SIPA1L3: variants seen among roughly 807,000 people sequenced by gnomAD.
The protein encoded by SIPA1L3 is signal induced proliferation associated 1 like 3.
Under a neutral mutation model 150.1 loss-of-function variants are expected in SIPA1L3, and 59 were observed. The ratio of observed to expected loss-of-function variants is 0.39; its 90% confidence interval spans 0.32 to 0.49. The LOEUF is 0.49. SIPA1L3 is among the 20% of genes least tolerant of loss of function. SIPA1L3 has a pLI of 0.86. For missense variants in SIPA1L3, 2,211 were observed against 2,489.5 expected (o/e 0.89, Z 2.38); for synonymous variants, 1,070 against 1,077.6 (o/e 0.99, Z 0.14).
In SIPA1L3 at chr19:38,082,125, CGCGGGGGGCCCGGCACACGGGGGCGCT is replaced by C. The variant is rs1568539081; in HGVS notation, c.563_589del (p.Arg188_Leu196del). On this transcript the variant is annotated inframe_deletion, in exon 3 of 22. Transcript: ENST00000222345. Reference sequence around the variant, plus strand: ...TGTGACGCGGAGGACGCGGGGGAGCCGCGGGGGGCCCGGCACACGGGGGCGCTGCCCCTCTTCCGCGAGTACGGGAGC... The same window carrying C: ...TGTGACGCGGAGGACGCGGGGGAGCCGCCCCTCTTCCGCGAGTACGGGAGC... 2.5e-6 allele frequency: 4 copies of C among 1,606,570 alleles called. No individual in the cohort carries two copies. Among genetic ancestry groups the C allele is most frequent in the African/African-American group, 1.3e-5 (1 of 74,896 alleles).
At chr19:38,050,569 A>G (rs1369525729) in intron 2 of SIPA1L3, among the ~76,000 whole-genome samples, 1 of 152,220 alleles carries the variant, frequency 6.6e-6, no homozygotes, top group African/African-American at 2.4e-5. Flanking sequence ...TAAACTTTCA[A>G]ATGTTGTATC....
Position 38,206,315 on chromosome 19 carries a change from T to A in SIPA1L3, c.*75T>A. ...TGCTGCCTCTCTCCCTCCACTCAGC[T>A]CCCAGCTGCCGGTGTGACCAAGATG... is the stretch of plus-strand genomic sequence containing the variant. On this transcript the variant is annotated 3_prime_UTR_variant, in exon 22 of 22. Transcript: ENST00000222345. 1 of 1,467,470 alleles carries A rather than the reference T, an allele frequency of 6.8e-7. No homozygotes were observed. Among genetic ancestry groups the A allele is most frequent in the Non-Finnish European group, 9.1e-7 (1 of 1,098,302 alleles). The allele number at this position is 1,467,470 out of a possible 1,614,324, so 90.9% of individuals were successfully genotyped here.
chr19:37,980,340 C>T (rs1021765368), intron 1 of SIPA1L3, among the ~76,000 whole-genome samples: 1 of 152,136 alleles, frequency 6.6e-6, no homozygotes, highest in Non-Finnish European at 1.5e-5. Flanking sequence ...TCTTCTCCTT[C>T]CTTCGACAAA....
At chr19:38,181,411 C>T (rs979561184) in intron 15 of SIPA1L3, among the ~76,000 whole-genome samples, 4 of 152,260 alleles carry the variant, frequency 2.6e-5, no homozygotes, top group Admixed American at 6.5e-5. Context: ...GTGGGAGGAT[C>T]GCCTGAGCCC....
intron 9 of SIPA1L3, among the ~76,000 whole-genome samples, chr19:38,130,006 G>T (rs1971269783): frequency 6.6e-6 from 1 of 152,128 alleles, no homozygotes; most frequent in African/African-American, 2.4e-5. Flanking sequence ...AGCAGACGTT[G>T]CAGTGAGCTG....
chr19:37,959,107 A>G (rs1050326510), intron 1 of SIPA1L3, among the ~76,000 whole-genome samples: 5 of 152,238 alleles, frequency 3.3e-5, no homozygotes, highest in African/African-American at 1.2e-4. Flanking sequence ...CCATTTTGGA[A>G]AACAATTTGG....
At chr19:37,912,669 A>C (rs1188453046) in intron 1 of SIPA1L3, among the ~76,000 whole-genome samples, 1 of 151,942 alleles carries the variant, frequency 6.6e-6, no homozygotes. Context: ...CTAATTTTTA[A>C]ATTTTTGTAG....
chr19:38,068,200 T>A (rs1388346540), intron 2 of SIPA1L3, among the ~76,000 whole-genome samples: 4 of 151,950 alleles, frequency 2.6e-5, no homozygotes, highest in African/African-American at 9.7e-5. Flanking sequence ...TTTTTTTTCT[T>A]CATATTTTTT....
chr19:38,160,575 T>TC (rs1390946310), intron 13 of SIPA1L3, among the ~76,000 whole-genome samples: 2 of 152,062 alleles, frequency 1.3e-5, no homozygotes, highest in African/African-American at 4.8e-5. Context: ...CTATTTTTTG[T>TC]ATTTTTTTTA....
chr19:37,972,917 G>T lies in SIPA1L3; in HGVS notation c.-378-56172G>T, dbSNP rs563951115. On this transcript the variant is annotated intron_variant, in intron 1 of 21. Coordinates refer to ENST00000222345, the MANE Select transcript of SIPA1L3 (RefSeq NM_015073.3). ...AATTCTATCCTGCTTCAAAGAGCAT[G>T]ACCCAGAAGTTGCACACATTTCCTT... Among the ~76,000 whole-genome samples, 39 of 152,258 alleles carry T rather than the reference G, an allele frequency of 2.6e-4. 1 individual carries two copies. The South Asian group carries it at 7.9e-3, about 31-fold the overall frequency.
chr19:38,205,016 G>T (rs1044032032), intron 21 of SIPA1L3, among the ~76,000 whole-genome samples: 1 of 152,166 alleles, frequency 6.6e-6, no homozygotes, highest in Non-Finnish European at 1.5e-5. Context: ...CGCAAAAGAA[G>T]TCCAGTAACT....
chr19:37,970,373 T>G (rs1270819905), intron 1 of SIPA1L3, among the ~76,000 whole-genome samples: 1 of 152,220 alleles, frequency 6.6e-6, no homozygotes, highest in African/African-American at 2.4e-5. Flanking sequence ...CACACATTTT[T>G]AATTAGCCTC....
chr19:38,009,400 C>G (rs546143572), intron 1 of SIPA1L3, among the ~76,000 whole-genome samples: 23 of 152,066 alleles, frequency 1.5e-4, no homozygotes, highest in Non-Finnish European at 3.1e-4. Context: ...CTGGAGGGAC[C>G]CCTCACTTAG....
intron 1 of SIPA1L3, among the ~76,000 whole-genome samples, chr19:38,008,125 C>G (rs965382227): frequency 1.3e-5 from 2 of 151,894 alleles, no homozygotes; most frequent in South Asian, 2.1e-4. Context: ...AGAGGCCTTG[C>G]CCTCTTTTCA....
intron 2 of SIPA1L3, among the ~76,000 whole-genome samples, chr19:38,066,553 C>T (rs536064911): frequency 2.2e-4 from 34 of 152,234 alleles, no homozygotes; most frequent in Admixed American, 1.2e-3. Flanking sequence ...AAGCCAGGCG[C>T]GGTGGCTCAC....
chr19:38,049,153 G>GA (rs1223980010), intron 2 of SIPA1L3, among the ~76,000 whole-genome samples: 13 of 151,526 alleles, frequency 8.6e-5, no homozygotes, highest in African/African-American at 2.9e-4. Context: ...TGATGGTGGG[G>GA]AAAAAAAATG....
intron 1 of SIPA1L3, among the ~76,000 whole-genome samples, chr19:37,912,836 T>G (rs2046387473): frequency 6.6e-6 from 1 of 151,968 alleles, no homozygotes; most frequent in Non-Finnish European, 1.5e-5. Flanking sequence ...TAAGAAAAAG[T>G]TATATTGCAG....
At chr19:38,029,854 C>T (rs1968605043) in intron 2 of SIPA1L3, among the ~76,000 whole-genome samples, 1 of 136,410 alleles carries the variant, frequency 7.3e-6, no homozygotes, top group African/African-American at 2.7e-5. Context: ...CCACCTCGGC[C>T]TCTTTTTTTT....
chr19:38,190,426 C>A (rs1487909273), intron 16 of SIPA1L3, among the ~76,000 whole-genome samples: 1 of 152,208 alleles, frequency 6.6e-6, no homozygotes, highest in Non-Finnish European at 1.5e-5. Flanking sequence ...TCCCTGATAA[C>A]TGACAGACCC....
Sources: gnomAD v4.1 joint callset for allele counts (sites outside exome capture counted in the v4.1 genomes callset) on GRCh38, gnomAD v4.1.1 for gene constraint, MANE v1.5 for transcripts, NCBI Gene and HGNC (gene_info 2026-07-23, HGNC 2026-07-21) for gene names.